WDR17: variants seen among roughly 807,000 people sequenced by gnomAD.
WDR17 encodes the protein WD repeat-containing protein 17.
WDR17 carries 143 observed loss-of-function variants against 161.7 expected under a neutral mutation model. That is an observed-to-expected ratio of 0.88 (90% CI 0.77 to 1.02). The LOEUF is 1.02. WDR17 is among the 50% of genes least tolerant of loss of function. The pLI is 0.00. For synonymous variants in WDR17, 517 were observed against 515.6 expected (o/e 1.00, Z -0.04); for missense variants, 1,469 against 1,520.9 (o/e 0.97, Z 0.57).
In WDR17 at chr4:176,133,009, A is replaced by G. The variant is rs576537321; in HGVS notation, c.1098+1271A>G. On this transcript the variant is annotated intron_variant, in intron 7 of 28. Coordinates refer to ENST00000508596, the MANE Select transcript of WDR17 (RefSeq NM_181265.4). ...CTGGCAGTGGGTCTTCAACAAGACA[A>G]TTCTTCATTTCTGAATAAAACTGTG... Among the ~76,000 whole-genome samples, 8 of 151,810 alleles carry G rather than the reference A, an allele frequency of 5.3e-5. No homozygotes were observed. In the South Asian group the frequency reaches 1.7e-3, roughly 32 times the overall value.
intron 22 of WDR17, among the ~76,000 whole-genome samples, chr4:176,164,022 G>T (rs1308228336): frequency 6.6e-6 from 1 of 152,082 alleles, no homozygotes; most frequent in Non-Finnish European, 1.5e-5. Context: ...TTTCCCCATT[G>T]CAAGTCCCAT....
At position 176,143,506 on chromosome 4, in the gene WDR17, A is replaced by G. The variant is rs573614741; in HGVS notation, c.1529+1437A>G. Among the ~76,000 whole-genome samples, 9 of 151,692 alleles carry G rather than the reference A, an allele frequency of 5.9e-5. No homozygotes were observed. In the East Asian group the frequency reaches 1.6e-3, roughly 26 times the overall value. The stretch of plus-strand genomic sequence containing the variant: ...TAGTGAGACTTCGTCTCTTAAAAAA[A>G]AAAAAAAAATGAAAAATGAAAAAAT... On this transcript the variant is annotated intron_variant, in intron 11 of 28. Transcript: ENST00000508596.
intron 11 of WDR17, among the ~76,000 whole-genome samples, chr4:176,144,188 T>C (rs1745781706): frequency 1.3e-5 from 2 of 152,170 alleles, no homozygotes; most frequent in Non-Finnish European, 2.9e-5. Context: ...TATCCATCCT[T>C]CAGCTTTCAG....
chr4:176,111,350 C>T (rs1739704852), intron 1 of WDR17: 5 of 310,480 alleles, frequency 1.6e-5, no homozygotes. Flanking sequence ...GTCGTTCCTT[C>T]ATTATCATAT....
In WDR17 at chr4:176,096,544, A is replaced by G. The variant is rs1239331561; in HGVS notation, c.-6-15031A>G. The G allele has an allele frequency of 3.7e-6, 6 of 1,600,650 alleles. No individual in the cohort carries two copies. Among genetic ancestry groups the G allele is most frequent in the Non-Finnish European group, 4.3e-6 (5 of 1,173,570 alleles). On this transcript the variant is annotated intron_variant, in intron 1 of 28. Coordinates refer to ENST00000508596, the MANE Select transcript of WDR17 (RefSeq NM_181265.4). ...TATGGCTTGGATGACTTACATTTCA[A>G]ATTGGTTTGAGCAAGATGATTGGTA...
intron 22 of WDR17, among the ~76,000 whole-genome samples, chr4:176,164,326 A>G (rs570982265): frequency 6.6e-6 from 1 of 152,300 alleles, no homozygotes; most frequent in African/African-American, 2.4e-5. Flanking sequence ...TAATCCAAAA[A>G]TCCAAAATCC....
chr4:176,177,811 A>T (rs1404400805), intron 28 of WDR17, among the ~76,000 whole-genome samples, 157 bp downstream of exon 28: 1 of 151,912 alleles, frequency 6.6e-6, no homozygotes, highest in East Asian at 1.9e-4. Context: ...TAGTTAGTAC[A>T]AGTGGCCTCT....
intron 2 of WDR17, among the ~76,000 whole-genome samples, chr4:176,112,400 C>G (rs1027933314): frequency 6.6e-6 from 1 of 152,182 alleles, no homozygotes; most frequent in Non-Finnish European, 1.5e-5. Flanking sequence ...TAGTGCAAAT[C>G]TAAATTTTAA....
At chr4:176,096,710 A>G in intron 1 of WDR17, 1 of 636,966 alleles carries the variant, frequency 1.6e-6, no homozygotes, top group Non-Finnish European at 2.5e-6. Context: ...CTGAGCGTGA[A>G]TAAGACACTT....
chr4:176,088,337 G>C (rs2126617718), intron 1 of WDR17, among the ~76,000 whole-genome samples: 1 of 152,146 alleles, frequency 6.6e-6, no homozygotes, highest in African/African-American at 2.4e-5. Flanking sequence ...TGTAATCCCA[G>C]CTACTTAGTG....
chr4:176,096,621 G>A (rs980432851), intron 1 of WDR17: 39 of 1,522,222 alleles, frequency 2.6e-5, no homozygotes, highest in Non-Finnish European at 3.1e-5. Flanking sequence ...GATTTCCTGC[G>A]ATTTTTTTTC....
intron 1 of WDR17, among the ~76,000 whole-genome samples, chr4:176,087,988 T>C (rs1467518453): frequency 6.6e-6 from 1 of 151,838 alleles, no homozygotes; most frequent in Non-Finnish European, 1.5e-5. Context: ...GGACTACAGG[T>C]GTGTACCACT....
intron 22 of WDR17, among the ~76,000 whole-genome samples, chr4:176,164,503 T>C (rs2126859286): frequency 6.6e-6 from 1 of 152,284 alleles, no homozygotes; most frequent in Non-Finnish European, 1.5e-5. Flanking sequence ...GAAACATAAA[T>C]ACATTTTGTA....
chr4:176,074,139 C>T (rs1008290358), intron 1 of WDR17, among the ~76,000 whole-genome samples: 1 of 151,676 alleles, frequency 6.6e-6, no homozygotes, highest in African/African-American at 2.4e-5. Flanking sequence ...GCTTTTGTTG[C>T]CATTGCTTTT....
At chr4:176,066,561 A>G (rs1356560006) in intron 1 of WDR17, among the ~76,000 whole-genome samples, 2 of 152,152 alleles carry the variant, frequency 1.3e-5, no homozygotes, top group Admixed American at 6.5e-5. Context: ...CAGGTATACT[A>G]TTTATTAAGT....
intron 4 of WDR17, among the ~76,000 whole-genome samples, chr4:176,124,322 A>G (rs868679667): frequency 1.1e-4 from 17 of 152,302 alleles, no homozygotes; most frequent in African/African-American, 3.6e-4. Flanking sequence ...AGTTGTGTAC[A>G]TAAATTACAA....
At chr4:176,073,339 G>A (rs912920240) in intron 1 of WDR17, among the ~76,000 whole-genome samples, 2 of 152,040 alleles carry the variant, frequency 1.3e-5, no homozygotes, top group Non-Finnish European at 2.9e-5. Flanking sequence ...CCACCTATGA[G>A]TGAGAACATG....
At chr4:176,150,669 T>G in intron 16 of WDR17, 76 bp downstream of exon 16, 1 of 1,377,928 alleles carries the variant, frequency 7.3e-7, no homozygotes, top group Non-Finnish European at 9.7e-7. Flanking sequence ...AAAATGATTT[T>G]AAAAATATAT....
intron 1 of WDR17, among the ~76,000 whole-genome samples, chr4:176,081,326 T>C (rs1347901918): frequency 6.6e-6 from 1 of 152,144 alleles, no homozygotes; most frequent in Non-Finnish European, 1.5e-5. Flanking sequence ...GTCTCGCCTG[T>C]CTGTTCATTC....
Sources: gnomAD v4.1 joint callset for allele counts (sites outside exome capture counted in the v4.1 genomes callset) on GRCh38, gnomAD v4.1.1 for gene constraint, MANE v1.5 for transcripts, NCBI Gene and HGNC (gene_info 2026-07-23, HGNC 2026-07-21) for gene names.